FCHSD2: variants seen among roughly 807,000 people sequenced by gnomAD.
FCHSD2 encodes F-BAR and double SH3 domains protein 2.
A neutral mutation model predicts 108.1 loss-of-function variants in FCHSD2; 38 were observed. That is an observed-to-expected ratio of 0.35 (90% CI 0.27 to 0.46). FCHSD2 has a LOEUF of 0.46. Ranked by LOEUF, FCHSD2 falls within the 20% of genes least tolerant of loss-of-function variation. The probability of loss-of-function intolerance (pLI) is 1.00; values close to 1 mark genes in which losing one functional copy is unlikely to be tolerated. For missense variants in FCHSD2, 751 were observed against 897.8 expected (o/e 0.84, Z 2.09); for synonymous variants, 279 against 314.7 (o/e 0.89, Z 1.20).
chr11:73,023,950 G>A (rs1370667465), intron 3 of FCHSD2, among the ~76,000 whole-genome samples: 1 of 152,172 alleles, frequency 6.6e-6, no homozygotes, highest in East Asian at 1.9e-4. Flanking sequence ...TTCTGGGAAA[G>A]ACCAATTGAT....
intron 8 of FCHSD2, among the ~76,000 whole-genome samples, chr11:72,967,069 G>A (rs1268201623): frequency 6.6e-6 from 1 of 151,964 alleles, no homozygotes; most frequent in African/African-American, 2.4e-5. Context: ...GCCTGGTGGC[G>A]GGCACCTGTG....
intron 9 of FCHSD2, among the ~76,000 whole-genome samples, chr11:72,903,621 G>A (rs143029589): frequency 1.3e-5 from 2 of 152,152 alleles, no homozygotes; most frequent in African/African-American, 4.8e-5. Flanking sequence ...CCTTGGGAAA[G>A]AGTGGAAATC....
intron 8 of FCHSD2, chr11:72,940,725 T>G: frequency 1.1e-6 from 1 of 922,372 alleles, no homozygotes; most frequent in Non-Finnish European, 1.8e-6. Context: ...GCCCAGTTCC[T>G]AAGGGTGCAA....
At chr11:72,850,720 T>A (rs1324870834) in intron 13 of FCHSD2, among the ~76,000 whole-genome samples, 1 of 152,100 alleles carries the variant, frequency 6.6e-6, no homozygotes, top group East Asian at 1.9e-4. Context: ...TTTATCAGTA[T>A]CCTTTCACTT....
intron 2 of FCHSD2, among the ~76,000 whole-genome samples, chr11:73,103,527 T>C (rs1351363298): frequency 6.6e-6 from 1 of 152,232 alleles, no homozygotes; most frequent in Non-Finnish European, 1.5e-5. Context: ...ATCTGTCTTA[T>C]TGCTAACTAT....
At position 73,097,372 on chromosome 11, in the gene FCHSD2, TTTTA is replaced by T. The variant is rs201300387; in HGVS notation, c.120-13636_120-13633del. On this transcript the variant is annotated intron_variant, in intron 2 of 19. Coordinates refer to ENST00000409418, the MANE Select transcript of FCHSD2 (RefSeq NM_014824.3). ...TTCCTAGGTTTGTTTGTTTGGTTTA[TTTTA>T]TTTATTTATTTTTTTTTTTTGCATC... is the stretch of plus-strand genomic sequence containing the variant. Among the ~76,000 whole-genome samples the T allele has an allele frequency of 9.0e-3, 1,363 of 151,446 alleles. 8 individuals are homozygous for T. The highest frequency in any genetic ancestry group is 0.015 in the Non-Finnish European group (992 of 67,908).
chr11:73,028,616 G>C (rs1435156435), intron 3 of FCHSD2, among the ~76,000 whole-genome samples: 1 of 152,158 alleles, frequency 6.6e-6, no homozygotes, highest in Non-Finnish European at 1.5e-5. Context: ...ATTGTGTTTT[G>C]AAATGTGAGA....
intron 2 of FCHSD2, among the ~76,000 whole-genome samples, chr11:73,092,321 G>A (rs1271771923): frequency 7.0e-6 from 1 of 143,874 alleles, no homozygotes; most frequent in South Asian, 2.2e-4. Flanking sequence ...TTTTTTTTTT[G>A]TAGAGATGGG....
chr11:72,944,916 G>C (rs1370583845), intron 8 of FCHSD2, among the ~76,000 whole-genome samples: 2 of 152,134 alleles, frequency 1.3e-5, no homozygotes, highest in African/African-American at 2.4e-5. Flanking sequence ...CAAACAAATG[G>C]AAGAACATTC....
chr11:72,904,076 G>A (rs1855581996), intron 9 of FCHSD2, among the ~76,000 whole-genome samples: 1 of 152,216 alleles, frequency 6.6e-6, no homozygotes, highest in South Asian at 2.1e-4. Context: ...AGTGTGTAAA[G>A]GGTACGAGAA....
intron 5 of FCHSD2, among the ~76,000 whole-genome samples, chr11:72,999,196 G>A (rs1292011432): frequency 6.6e-6 from 1 of 151,998 alleles, no homozygotes; most frequent in Non-Finnish European, 1.5e-5. Context: ...AGTCCTGACA[G>A]GTATACCCAA....
At position 73,141,759 on chromosome 11, in the gene FCHSD2, G is replaced by A. The variant is rs1312263649; in HGVS notation, c.21+98C>T. The A allele has an allele frequency of 3.1e-6, 4 of 1,305,814 alleles. No individual in the cohort carries two copies. The East Asian group carries it at 1.1e-4, about 35-fold the overall frequency. The allele number at this position is 1,305,814 out of a possible 1,614,324, so 80.9% of individuals were successfully genotyped here. On this transcript the variant is annotated intron_variant, in intron 1 of 19. Coordinates refer to ENST00000409418, the MANE Select transcript of FCHSD2 (RefSeq NM_014824.3). ...ACAAGCCCAAGACGAGGGCGGTCAC[G>A]GCCCCTTGCGGGAGGGGGAAGGGGC...
At chr11:72,840,793 C>T in intron 19 of FCHSD2, 84 bp downstream of exon 19, 3 of 1,010,706 alleles carry the variant, frequency 3.0e-6, no homozygotes, top group South Asian at 2.7e-5. Context: ...AGTAACAACA[C>T]AGGGGCCACG....
Position 73,142,104 on chromosome 11 carries a change from C to G in FCHSD2, c.-227G>C. Reference sequence around the variant, plus strand: ...GAGGAGCACCGGGAAGGCTTGGGGCCCGGGCGGCCCGGGCGGCCCGGGGGT... The same window carrying G: ...GAGGAGCACCGGGAAGGCTTGGGGCGCGGGCGGCCCGGGCGGCCCGGGGGT... On this transcript the variant is annotated 5_prime_UTR_variant, in exon 1 of 20. Transcript: ENST00000409418. The G allele has an allele frequency of 2.3e-6, 1 of 433,966 alleles. No homozygotes were observed. Among genetic ancestry groups the G allele is most frequent in the Non-Finnish European group, 4.1e-6 (1 of 243,494 alleles). The allele number at this position is 433,966 out of a possible 1,614,324, so 26.9% of individuals were successfully genotyped here.
chr11:72,997,756 A>G (rs977165690), intron 5 of FCHSD2, among the ~76,000 whole-genome samples: 14 of 152,212 alleles, frequency 9.2e-5, no homozygotes, highest in African/African-American at 3.1e-4. Flanking sequence ...GCTGGAGTGC[A>G]GTGGCACGAT....
chr11:72,937,234 G>GA (rs1856321371), intron 8 of FCHSD2, among the ~76,000 whole-genome samples: 1 of 152,180 alleles, frequency 6.6e-6, no homozygotes, highest in African/African-American at 2.4e-5. Flanking sequence ...ATCTAAATCA[G>GA]AAAAACGTAT....
intron 8 of FCHSD2, among the ~76,000 whole-genome samples, chr11:72,936,638 A>G (rs989595068): frequency 6.6e-6 from 1 of 152,194 alleles, no homozygotes; most frequent in Non-Finnish European, 1.5e-5. Flanking sequence ...AAATTTTTAA[A>G]AAAGAATCTC....
At chr11:72,987,587 T>C (rs1381389154) in intron 6 of FCHSD2, among the ~76,000 whole-genome samples, 4 of 152,210 alleles carry the variant, frequency 2.6e-5, no homozygotes, top group Non-Finnish European at 5.9e-5. Context: ...TATTAATATG[T>C]CTAGCTTGCT....
At chr11:72,854,663 C>T (rs1415189412) in intron 13 of FCHSD2, among the ~76,000 whole-genome samples, 1 of 152,070 alleles carries the variant, frequency 6.6e-6, no homozygotes, top group Non-Finnish European at 1.5e-5. Flanking sequence ...TCTTTGAGGC[C>T]ATTATGCTAA....
Sources: allele counts gnomAD v4.1 joint callset (sites outside exome capture counted in the v4.1 genomes callset), GRCh38; gene constraint gnomAD v4.1.1; transcripts MANE v1.5; gene names NCBI Gene and HGNC (gene_info 2026-07-23, HGNC 2026-07-21).